Variants in AIG1 observed in about 807,000 individuals in gnomAD.
The protein encoded by AIG1 is androgen induced 1.
A neutral mutation model predicts 31.4 loss-of-function variants in AIG1; 23 were observed. The ratio of observed to expected loss-of-function variants is 0.73; its 90% confidence interval spans 0.53 to 1.04. The LOEUF is 1.04. Among genes scored for constraint, AIG1 ranks in the 50% least tolerant of loss-of-function variants. AIG1 has a pLI of 0.00. For missense variants in AIG1, 274 were observed against 295.0 expected, an observed-to-expected ratio of 0.93 and a Z score of 0.52; for synonymous variants, 100 against 110.5, an observed-to-expected ratio of 0.90 and a Z score of 0.60.
At chr6:143,313,160 A>G (rs950047880) in intron 4 of AIG1, among the ~76,000 whole-genome samples, 2 of 152,122 alleles carry the variant, frequency 1.3e-5, no homozygotes, top group Non-Finnish European at 2.9e-5. Context: ...TCTTCAAAAA[A>G]CTGAAAATAG....
chr6:143,255,577 T>C (rs80015317), intron 3 of AIG1, among the ~76,000 whole-genome samples: 108 of 152,330 alleles, frequency 7.1e-4, no homozygotes, highest in Non-Finnish European at 1.3e-3. Context: ...ATATAGTCAC[T>C]GTGGGGGTTA....
At chr6:143,175,019 C>G (rs1332710589) in intron 3 of AIG1, among the ~76,000 whole-genome samples, 4 of 152,176 alleles carry the variant, frequency 2.6e-5, no homozygotes, top group African/African-American at 7.2e-5. Flanking sequence ...GGCAGATTCT[C>G]TCAGCATTTG....
chr6:143,187,756 C>T (rs1431531064), intron 3 of AIG1: 1 of 1,530,908 alleles, frequency 6.5e-7, no homozygotes, highest in Admixed American at 2.0e-5. Context: ...ATGCATGCTG[C>T]TCTGCACAAG....
intron 4 of AIG1, among the ~76,000 whole-genome samples, chr6:143,332,018 C>T (rs867759754): frequency 1.1e-4 from 16 of 151,644 alleles, no homozygotes; most frequent in Non-Finnish European, 1.3e-4. Context: ...ATTACAGGCG[C>T]GCACCACCAC....
At chr6:143,238,882 G>T (rs1053235094) in intron 3 of AIG1, among the ~76,000 whole-genome samples, 3 of 152,174 alleles carry the variant, frequency 2.0e-5, no homozygotes, top group African/African-American at 7.2e-5. Flanking sequence ...GCTTGTATTT[G>T]AAATGGAAGA....
chr6:143,265,405 T>G (rs1450238002), intron 3 of AIG1, among the ~76,000 whole-genome samples: 1 of 152,234 alleles, frequency 6.6e-6, no homozygotes, highest in African/African-American at 2.4e-5. Context: ...GAACTCTGTT[T>G]TATGCATTGC....
upstream of AIG1, among the ~76,000 whole-genome samples, chr6:143,059,576 C>T (rs1776087412): frequency 6.6e-6 from 1 of 152,160 alleles, no homozygotes. Context: ...GAATCTTCTT[C>T]TGACATCAGT....
At chr6:143,250,359 C>T (rs935118111) in intron 3 of AIG1, among the ~76,000 whole-genome samples, 3 of 152,120 alleles carry the variant, frequency 2.0e-5, no homozygotes, top group African/African-American at 7.2e-5. Context: ...ACTAAAATGC[C>T]AATGGGCAAG....
At chr6:143,065,858 T>C (rs1776654284) in intron 1 of AIG1, among the ~76,000 whole-genome samples, 2 of 152,260 alleles carry the variant, frequency 1.3e-5, no homozygotes, top group African/African-American at 4.8e-5. Context: ...ATATTGATGA[T>C]GGATGTAAGA....
intron 3 of AIG1, among the ~76,000 whole-genome samples, chr6:143,273,340 T>A (rs1252529791): frequency 6.6e-6 from 1 of 152,224 alleles, no homozygotes; most frequent in Non-Finnish European, 1.5e-5. Flanking sequence ...CTGTGAATGA[T>A]GTTTCATTTT....
chr6:143,122,207 C>T (rs1782300483), intron 1 of AIG1, among the ~76,000 whole-genome samples: 1 of 152,014 alleles, frequency 6.6e-6, no homozygotes, highest in Admixed American at 6.6e-5. Flanking sequence ...TTATTAATAC[C>T]TGTTGGAACT....
chr6:143,064,915 G>A (rs1033715544), intron 1 of AIG1, among the ~76,000 whole-genome samples: 4 of 152,196 alleles, frequency 2.6e-5, no homozygotes, highest in African/African-American at 9.7e-5. Context: ...AGGAGTCAGC[G>A]AAGGGAGATG....
chr6:143,285,982 T>G (rs1797657985), intron 4 of AIG1, among the ~76,000 whole-genome samples: 1 of 152,166 alleles, frequency 6.6e-6, no homozygotes, highest in Non-Finnish European at 1.5e-5. Flanking sequence ...ACCTGGAACT[T>G]CCTATAGCCA....
intron 1 of AIG1, chr6:143,093,962 A>G (rs966681422): frequency 6.6e-6 from 1 of 152,226 alleles, no homozygotes; most frequent in Non-Finnish European, 1.5e-5. Context: ...CATAACAGAT[A>G]TAATAATAAT....
chr6:143,172,954 C>A (rs2128575712), intron 3 of AIG1, among the ~76,000 whole-genome samples: 1 of 152,072 alleles, frequency 6.6e-6, no homozygotes, highest in Admixed American at 6.5e-5. Context: ...GATCTTCTCT[C>A]TTCTTTCTTG....
chr6:143,250,627 C>G (rs775082118), intron 3 of AIG1, among the ~76,000 whole-genome samples: 8 of 152,086 alleles, frequency 5.3e-5, no homozygotes, highest in Non-Finnish European at 1.2e-4. Flanking sequence ...GTTAGACACA[C>G]ATTGAGCAGG....
At chr6:143,192,621 A>C (rs1789890598) in intron 3 of AIG1, among the ~76,000 whole-genome samples, 1 of 147,862 alleles carries the variant, frequency 6.8e-6, no homozygotes, top group Non-Finnish European at 1.5e-5. Flanking sequence ...AAAAAAAAAA[A>C]AGCCTTATTT....
rs1776969854 is a variant in AIG1 at position 143,330,321 on chromosome 6, T to C, written c.516-2961T>C. ...GTTTGAGGGTAGAGGTTGCAATTTT[T>C]AGATACAGTGGCCAGGGAAGACATC... On this transcript the variant is annotated intron_variant, in intron 4 of 5. Coordinates refer to ENST00000357847, the MANE Select transcript of AIG1 (RefSeq NM_016108.4). The surrounding 1 kb of genome is among the most constrained non-coding windows in gnomAD (Gnocchi z 4.4). Among the ~76,000 whole-genome samples, 1 of 152,158 alleles carries C rather than the reference T, an allele frequency of 6.6e-6. No homozygotes were observed. The highest frequency in any genetic ancestry group is 2.1e-4 in the South Asian group (1 of 4,826).
rs1467617895 is a variant in AIG1, at chr6:143,268,068, G to A, written c.400-16042G>A. 6.6e-6 allele frequency among the ~76,000 whole-genome samples: 1 copy of A among 152,134 alleles called. No individual in the cohort carries two copies. Among genetic ancestry groups the A allele is most frequent in the South Asian group, 2.1e-4 (1 of 4,810 alleles). The stretch of plus-strand genomic sequence containing the variant: ...TTGATCTCATGCTGATCTGAAGCTG[G>A]CCAAAATATATATCCATGATGAATT... On this transcript the variant is annotated intron_variant, in intron 3 of 5. Transcript: ENST00000357847. This position sits in a 1 kb window ranked among gnomAD's most constrained non-coding sequence, Gnocchi z 5.0.
Sources: gnomAD v4.1 joint callset for allele counts (sites outside exome capture counted in the v4.1 genomes callset) on GRCh38, gnomAD v4.1.1 for gene constraint, Gnocchi (gnomAD v3.1) non-coding constraint, MANE v1.5 for transcripts, NCBI Gene and HGNC (gene_info 2026-07-23, HGNC 2026-07-21) for gene names.